Variants in TASP1 observed in about 807,000 individuals in gnomAD.
TASP1 encodes taspase 1.
Under a neutral mutation model 56.6 loss-of-function variants are expected in TASP1, and 16 were observed. The observed-to-expected ratio is 0.28, with a 90% CI of 0.19 to 0.43. The LOEUF is 0.43. TASP1 is among the 20% of genes least tolerant of loss of function. TASP1 has a pLI of 1.00. For synonymous variants in TASP1, 179 were observed against 184.2 expected, an observed-to-expected ratio of 0.97 and a Z score of 0.23; for missense variants, 393 against 511.6, an observed-to-expected ratio of 0.77 and a Z score of 2.24.
the TASP1 span, among the ~76,000 whole-genome samples, chr20:13,296,747 T>C: frequency 6.6e-6 from 1 of 152,128 alleles, no homozygotes; most frequent in African/African-American, 2.4e-5. Context: ...CAGCCAGGCG[T>C]GGTGGCTTAC....
At chr20:13,490,612 A>G (rs2146562927) in intron 10 of TASP1, among the ~76,000 whole-genome samples, 1 of 152,314 alleles carries the variant, frequency 6.6e-6, no homozygotes, top group East Asian at 1.9e-4. Flanking sequence ...TTTTTTAAGA[A>G]GAGGACAGCT....
At chr20:13,395,709 T>TC (rs1568743320) in intron 13 of TASP1, among the ~76,000 whole-genome samples, 1 of 150,584 alleles carries the variant, frequency 6.6e-6, no homozygotes, top group Non-Finnish European at 1.5e-5. Context: ...TTTTTTTTTT[T>TC]CTTTTTTCTT....
At chr20:13,244,573 G>C in the TASP1 span, among the ~76,000 whole-genome samples, 1 of 152,126 alleles carries the variant, frequency 6.6e-6, no homozygotes, top group South Asian at 2.1e-4. Context: ...ACATATTAAA[G>C]ATACTTATTT....
chr20:13,565,901 T>A (rs904921730), intron 7 of TASP1, among the ~76,000 whole-genome samples: 1 of 152,232 alleles, frequency 6.6e-6, no homozygotes, highest in African/African-American at 2.4e-5. Flanking sequence ...ATAGCCATGT[T>A]CACAGTAGCA....
At chr20:13,243,684 A>G in the TASP1 span, among the ~76,000 whole-genome samples, 1 of 152,202 alleles carries the variant, frequency 6.6e-6, no homozygotes, top group Non-Finnish European at 1.5e-5. Flanking sequence ...CTAATGCCAA[A>G]ACCTAGGGAA....
At chr20:13,462,136 T>C (rs554722879) in intron 11 of TASP1, among the ~76,000 whole-genome samples, 1 of 152,296 alleles carries the variant, frequency 6.6e-6, no homozygotes, top group Admixed American at 6.5e-5. Context: ...CCATGATATG[T>C]GGCTTCCAAA....
chr20:13,355,141 A>G, the TASP1 span, among the ~76,000 whole-genome samples: 3 of 152,220 alleles, frequency 2.0e-5, no homozygotes, highest in Non-Finnish European at 4.4e-5. Context: ...CAGGGTCTAA[A>G]ATGGATAAAT....
At chr20:13,433,024 G>A (rs895966183) in intron 12 of TASP1, among the ~76,000 whole-genome samples, 10 of 152,038 alleles carry the variant, frequency 6.6e-5, no homozygotes, top group South Asian at 2.1e-4. Flanking sequence ...TGTGCAGAAC[G>A]TGCAGGTCTG....
the TASP1 span, among the ~76,000 whole-genome samples, chr20:13,120,790 G>A: frequency 2.6e-5 from 4 of 152,206 alleles, no homozygotes; most frequent in Non-Finnish European, 4.4e-5. Flanking sequence ...CTGCTAATTG[G>A]AAGTTGCTGC....
the TASP1 span, among the ~76,000 whole-genome samples, chr20:13,141,785 G>C: frequency 6.6e-6 from 1 of 152,188 alleles, no homozygotes; most frequent in Non-Finnish European, 1.5e-5. Context: ...AACAGATGTT[G>C]GTGCTATGCT....
intron 8 of TASP1, among the ~76,000 whole-genome samples, chr20:13,539,236 C>A (rs2045529797): frequency 1.3e-5 from 2 of 152,128 alleles, no homozygotes. Flanking sequence ...CTTAAGTAAT[C>A]TTTTATTTTC....
chr20:13,418,724 A>G (rs548733154), intron 12 of TASP1, among the ~76,000 whole-genome samples: 1 of 152,350 alleles, frequency 6.6e-6, no homozygotes, highest in African/African-American at 2.4e-5. Flanking sequence ...ACTTAACTCC[A>G]TGAACAAAGC....
chr20:13,115,829 C>T, the TASP1 span, among the ~76,000 whole-genome samples: 1 of 152,038 alleles, frequency 6.6e-6, no homozygotes, highest in African/African-American at 2.4e-5. Flanking sequence ...TTATAAAGAC[C>T]CTGTGAAGAG....
At chr20:13,559,762 T>C (rs1263801374) in intron 7 of TASP1, among the ~76,000 whole-genome samples, 1 of 151,956 alleles carries the variant, frequency 6.6e-6, no homozygotes, top group African/African-American at 2.4e-5. Context: ...CAAACACAAA[T>C]GCAAATACTC....
At chr20:13,306,758 T>C in the TASP1 span, among the ~76,000 whole-genome samples, 1 of 152,002 alleles carries the variant, frequency 6.6e-6, no homozygotes, top group African/African-American at 2.4e-5. Context: ...AATCCTCCCT[T>C]AGAGCTGTCA....
rs187086063 is a variant in TASP1, at chr20:13,473,489, T to C, written c.985+9738A>G. Reference sequence around the variant, plus strand: ...TACCCTAGAACTTAAAGTATAATAATAATAATATATCTTAAAAAAACTCTA... The same window carrying C: ...TACCCTAGAACTTAAAGTATAATAACAATAATATATCTTAAAAAAACTCTA... On this transcript the variant is annotated intron_variant, in intron 11 of 13. Coordinates refer to ENST00000337743, the MANE Select transcript of TASP1 (RefSeq NM_017714.3). Among the ~76,000 whole-genome samples the C allele has an allele frequency of 1.4e-3, 216 of 152,126 alleles. 2 individuals are homozygous for C. Among genetic ancestry groups the C allele is most frequent in the Admixed American group, 0.011 (174 of 15,250 alleles).
the TASP1 span, chr20:13,292,302 T>C: frequency 5.5e-5 from 51 of 923,396 alleles, no homozygotes; most frequent in South Asian, 6.6e-4. Flanking sequence ...GTATTTATTT[T>C]TTTATTGTTG....
At chr20:13,411,065 G>A (rs568419622) in intron 13 of TASP1, among the ~76,000 whole-genome samples, 1,579 of 152,248 alleles carry the variant, frequency 0.01, 27 homozygotes, top group African/African-American at 0.036. Context: ...AATTTTCCCA[G>A]CAGCATTTAT....
chr20:13,379,627 G>C, the TASP1 span, among the ~76,000 whole-genome samples: 1 of 151,968 alleles, frequency 6.6e-6, no homozygotes, highest in Non-Finnish European at 1.5e-5. Context: ...GGCCTGTCTT[G>C]GTGGGTTGGG....
Sources: gnomAD v4.1 joint callset for allele counts (sites outside exome capture counted in the v4.1 genomes callset) on GRCh38, gnomAD v4.1.1 for gene constraint, MANE v1.5 for transcripts, NCBI Gene and HGNC (gene_info 2026-07-23, HGNC 2026-07-21) for gene names.